The following SIRPA variants were observed in gnomAD, a reference collection of about 807,000 sequenced individuals.
SIRPA encodes the protein signal regulatory protein alpha.
A neutral mutation model predicts 50.3 loss-of-function variants in SIRPA; 9 were observed. The ratio of observed to expected loss-of-function variants is 0.18; its 90% CI spans 0.11 to 0.31. SIRPA has a LOEUF of 0.31. SIRPA is among the 10% of genes least tolerant of loss of function. SIRPA has a pLI of 1.00. For missense variants in SIRPA, 474 were observed against 661.6 expected (o/e 0.72, Z 3.11); for synonymous variants, 265 against 284.1 (o/e 0.93, Z 0.68).
intron 1 of SIRPA, among the ~76,000 whole-genome samples, chr20:1,908,496 C>T (rs1216028426): frequency 7.2e-5 from 11 of 152,124 alleles, no homozygotes; most frequent in Admixed American, 1.3e-4. Flanking sequence ...CACATGCCCA[C>T]GCCCATGATC....
At position 1,934,798 on chromosome 20, in the gene SIRPA, G is replaced by T. The variant is rs373369770; in HGVS notation, c.1266+44G>T. The T allele has an allele frequency of 4.3e-6, 7 of 1,610,086 alleles. No homozygotes were observed. In the African/African-American group the frequency reaches 9.4e-5, roughly 22 times the overall value. On this transcript the variant is annotated intron_variant, in intron 7 of 7. Transcript: ENST00000358771. This position sits in a 1 kb window ranked among gnomAD's most constrained non-coding sequence, Gnocchi z 4.6. Reference sequence around the variant, plus strand: ...TGCCCTTCCTGGGAAACTCCGTGGCGTGGTTGCTTCACATCAACCGGAATT... The same window carrying T: ...TGCCCTTCCTGGGAAACTCCGTGGCTTGGTTGCTTCACATCAACCGGAATT...
At chr20:1,901,858 C>T (rs1600393669) in intron 1 of SIRPA, among the ~76,000 whole-genome samples, 4 of 152,244 alleles carry the variant, frequency 2.6e-5, no homozygotes, top group East Asian at 3.9e-4. Context: ...AATTGGAAGC[C>T]GGGAGTGAGC....
Position 1,927,961 on chromosome 20 carries a change from A to G in SIRPA, c.1226+62A>G. 13 of 1,390,878 alleles carry G rather than the reference A, an allele frequency of 9.3e-6. No individual in the cohort carries two copies. The highest frequency in any genetic ancestry group is 1.2e-5 in the Non-Finnish European group (12 of 976,344). The allele number at this position is 1,390,878 out of a possible 1,614,324, so 86.2% of individuals were successfully genotyped here. Reference sequence around the variant, plus strand: ...TTATTTGGTTATTTGACAGCCCCCCAGACTACAAAGCATAATCCATGTCCA... The same window carrying G: ...TTATTTGGTTATTTGACAGCCCCCCGGACTACAAAGCATAATCCATGTCCA... On this transcript the variant is annotated intron_variant, in intron 6 of 7. Transcript: ENST00000358771. The surrounding 1 kb of genome is among the most constrained non-coding windows in gnomAD (Gnocchi z 6.5).
intron 1 of SIRPA, among the ~76,000 whole-genome samples, chr20:1,910,811 C>A (rs1043957970): frequency 3.3e-5 from 5 of 152,264 alleles, no homozygotes; most frequent in Non-Finnish European, 7.4e-5. Flanking sequence ...GATTCATGAT[C>A]CAAAGAGAGT....
At chr20:1,897,580 T>C (rs983476617) in intron 1 of SIRPA, among the ~76,000 whole-genome samples, 2 of 152,214 alleles carry the variant, frequency 1.3e-5, no homozygotes, top group African/African-American at 4.8e-5. Context: ...AAGGAGGCAG[T>C]TGTCCAATTT....
At chr20:1,931,383 C>G (rs1986289820) in intron 6 of SIRPA, among the ~76,000 whole-genome samples, 1 of 152,062 alleles carries the variant, frequency 6.6e-6, no homozygotes, top group South Asian at 2.1e-4. Flanking sequence ...TGACTTCAGC[C>G]TCGACATCTC....
intron 7 of SIRPA, among the ~76,000 whole-genome samples, chr20:1,935,538 T>TG (rs1354233730): frequency 4.8e-4 from 73 of 152,384 alleles, no homozygotes; most frequent in African/African-American, 1.7e-3. Context: ...CCTGCCCTTG[T>TG]GACCCATGGG....
In SIRPA at chr20:1,898,794, T is replaced by C. The variant is rs543084937; in HGVS notation, c.79+3268T>C. ...TTTGATGAAGTCACAGGCATTTCTC[T>C]GAAAGCCTGCTGAGGGTGGAAATAC... On this transcript the variant is annotated intron_variant, in intron 1 of 7. Coordinates refer to ENST00000358771, the MANE Select transcript of SIRPA (RefSeq NM_001040023.2). The surrounding 1 kb of genome is among the most constrained non-coding windows in gnomAD (Gnocchi z 4.3). Among the ~76,000 whole-genome samples, 20 of 152,206 alleles carry C rather than the reference T, an allele frequency of 1.3e-4. No individual in the cohort carries two copies. Among genetic ancestry groups the C allele is most frequent in the African/African-American group, 4.8e-4 (20 of 41,532 alleles).
At chr20:1,917,518 T>C (rs190515792) in intron 2 of SIRPA, among the ~76,000 whole-genome samples, 2 of 152,138 alleles carry the variant, frequency 1.3e-5, no homozygotes, top group East Asian at 1.9e-4. Context: ...CCAGCCTGGG[T>C]GATAGAGCAA....
At chr20:1,921,316 G>T in intron 2 of SIRPA, 79 bp from the exon 3 acceptor site, 1 of 1,606,908 alleles carries the variant, frequency 6.2e-7, no homozygotes, top group Non-Finnish European at 8.5e-7. Flanking sequence ...GTCTCAGAAG[G>T]TTCTTAACGT....
At position 1,922,500 on chromosome 20, in the gene SIRPA, C is replaced by T; in HGVS notation, c.942C>T (p.Ser314=). The part of the protein sequence containing the change: ...ENKDGTYNWM[S]WLLVNVSAHR... The stretch of plus-strand genomic sequence containing the variant: ...AGGATGGTACCTACAACTGGATGAG[C>T]TGGCTCCTGGTGAATGTATCTGCCC... The change falls in exon 4 of 8, where the codon AGC becomes AGT. Residue 314 remains serine (S), a synonymous_variant. Coordinates refer to ENST00000358771, the MANE Select transcript of SIRPA (RefSeq NM_001040023.2). 6.2e-7 allele frequency: 1 copy of T among 1,614,226 alleles called. No individual in the cohort carries two copies. The highest frequency in any genetic ancestry group is 1.6e-4 in the Middle Eastern group (1 of 6,062).
intron 5 of SIRPA, among the ~76,000 whole-genome samples, chr20:1,926,288 C>G (rs183912141): frequency 3.5e-4 from 54 of 152,400 alleles, no homozygotes; most frequent in African/African-American, 1.0e-3. Context: ...ACAGGGAGGA[C>G]TCCTCCTTGG....
intron 1 of SIRPA, among the ~76,000 whole-genome samples, chr20:1,913,320 G>A (rs2123075919): frequency 6.6e-6 from 1 of 152,358 alleles, no homozygotes; most frequent in South Asian, 2.1e-4. Flanking sequence ...GCAGGACAAT[G>A]GGCAGATAGC....
intron 1 of SIRPA, among the ~76,000 whole-genome samples, chr20:1,912,061 G>A (rs753880570): frequency 2.2e-4 from 33 of 152,012 alleles, no homozygotes; most frequent in Non-Finnish European, 2.1e-4. Flanking sequence ...ATAAACACTA[G>A]CTAATTAATT....
At chr20:1,896,261 G>T (rs1983810985) in intron 1 of SIRPA, among the ~76,000 whole-genome samples, 1 of 152,218 alleles carries the variant, frequency 6.6e-6, no homozygotes, top group Non-Finnish European at 1.5e-5. Context: ...CAGTTCAGGT[G>T]CTCCGCGGGG....
At chr20:1,905,068 C>T (rs188524282) in intron 1 of SIRPA, among the ~76,000 whole-genome samples, 6 of 152,288 alleles carry the variant, frequency 3.9e-5, no homozygotes, top group African/African-American at 1.4e-4. Flanking sequence ...GAATTAAGAG[C>T]CGTGGAAAGT....
At chr20:1,916,932 C>T (rs1459187770) in intron 2 of SIRPA, among the ~76,000 whole-genome samples, 1 of 152,192 alleles carries the variant, frequency 6.6e-6, no homozygotes, top group Non-Finnish European at 1.5e-5. Flanking sequence ...TCCCCACAAC[C>T]GCTGGACATA....
intron 1 of SIRPA, among the ~76,000 whole-genome samples, chr20:1,913,764 G>A (rs890196288): frequency 3.3e-5 from 5 of 152,052 alleles, no homozygotes; most frequent in Non-Finnish European, 7.4e-5. Context: ...ACCTCACCTT[G>A]TTCAGAATCG....
chr20:1,925,272 A>G (rs1219925090), intron 5 of SIRPA, among the ~76,000 whole-genome samples: 1 of 152,236 alleles, frequency 6.6e-6, no homozygotes, highest in Admixed American at 6.5e-5. Flanking sequence ...GTCCCTGGAC[A>G]GGAGGCCAGA....
Sources: allele counts gnomAD v4.1 joint callset (sites outside exome capture counted in the v4.1 genomes callset), GRCh38; gene constraint gnomAD v4.1.1; non-coding constraint Gnocchi (gnomAD v3.1); transcripts MANE v1.5; gene names NCBI Gene and HGNC (gene_info 2026-07-23, HGNC 2026-07-21).